ASB15: variants seen among roughly 807,000 people sequenced by gnomAD.
The protein encoded by ASB15 is ankyrin repeat and SOCS box protein 15.
A neutral mutation model predicts 58.0 loss-of-function variants in ASB15; 54 were observed. That is an observed-to-expected ratio of 0.93 (90% confidence interval 0.75 to 1.17). The LOEUF (loss-of-function observed/expected upper bound fraction) is 1.17, where lower values mean the gene tolerates loss of function less well. ASB15 is among the 50% of genes most tolerant of loss of function. The pLI is 0.00. For synonymous variants in ASB15, 249 were observed against 262.4 expected, an observed-to-expected ratio of 0.95 and a Z score of 0.50; for missense variants, 680 against 707.4, an observed-to-expected ratio of 0.96 and a Z score of 0.44.
intron 1 of ASB15, among the ~76,000 whole-genome samples, chr7:123,588,355 T>A (rs1489811736): frequency 6.6e-6 from 1 of 151,760 alleles, no homozygotes; most frequent in Non-Finnish European, 1.5e-5. Flanking sequence ...TTTGTATTTC[T>A]GTATTTTTAT....
chr7:123,607,199 G>A (rs939727425), intron 2 of ASB15, among the ~76,000 whole-genome samples: 3 of 152,140 alleles, frequency 2.0e-5, no homozygotes, highest in South Asian at 2.1e-4. Flanking sequence ...CTTCAATAAA[G>A]TTGGGGGAAA....
chr7:123,635,814 A>AT (rs769400425), intron 11 of ASB15, among the ~76,000 whole-genome samples: 3 of 151,818 alleles, frequency 2.0e-5, no homozygotes, highest in Non-Finnish European at 4.4e-5. Context: ...AAAATTGTCT[A>AT]TTTTTTAGAT....
intron 1 of ASB15, among the ~76,000 whole-genome samples, chr7:123,585,715 T>G (rs149692270): frequency 1.2e-3 from 177 of 151,798 alleles, no homozygotes; most frequent in African/African-American, 4.1e-3. Flanking sequence ...TACTATAAAT[T>G]ATCATTAACT....
intron 1 of ASB15, among the ~76,000 whole-genome samples, chr7:123,570,878 GA>G (rs1242027427): frequency 6.6e-6 from 1 of 152,058 alleles, no homozygotes; most frequent in African/African-American, 2.4e-5. Context: ...CACTAAAACT[GA>G]AAAGAACTCT....
intron 1 of ASB15, among the ~76,000 whole-genome samples, chr7:123,579,848 A>G (rs1275297574): frequency 6.6e-6 from 1 of 152,140 alleles, no homozygotes; most frequent in Non-Finnish European, 1.5e-5. Context: ...GAGAACATAA[A>G]GCATATAATA....
chr7:123,623,944 AAAGAAAGAAAGAAAGAAAG>A (rs1801560140), intron 7 of ASB15, among the ~76,000 whole-genome samples: 1 of 66,526 alleles, frequency 1.5e-5, no homozygotes, highest in Non-Finnish European at 3.1e-5. Flanking sequence ...AGAAAGAAAG[AAAGAAAGAAAGAAAGAAAG>A]AAAGAAAGAA....
intron 8 of ASB15, among the ~76,000 whole-genome samples, chr7:123,625,859 A>G (rs1239377461): frequency 6.6e-6 from 1 of 152,190 alleles, no homozygotes; most frequent in African/African-American, 2.4e-5. Context: ...AAAGACTAAC[A>G]TTTTTGAGGT....
At position 123,639,014 on chromosome 7, in the gene ASB15, A is replaced by C. The variant is rs1306541179; in HGVS notation, c.*2033A>C. 6.6e-6 allele frequency: 1 copy of C among 152,182 alleles called. No individual in the cohort carries two copies. The highest frequency in any genetic ancestry group is 1.5e-5 in the Non-Finnish European group (1 of 68,002). 9.4% of individuals were successfully genotyped at this position (152,182 alleles called of 1,614,324 possible). A position where few individuals can be genotyped will look rare whatever the true frequency, so the allele number is the denominator to read the frequency against. ...ATAAGTGACAAAAATAATCAGTGAC[A>C]TCATGGTGAAATAATAGTTTTAAAT... On this transcript the variant is annotated 3_prime_UTR_variant, in exon 12 of 12. Coordinates refer to ENST00000451215, the MANE Select transcript of ASB15 (RefSeq NM_001290258.2).
chr7:123,620,436 T>G (rs994039236), intron 7 of ASB15: 2 of 141,978 alleles, frequency 1.4e-5, no homozygotes, highest in South Asian at 2.3e-4. Flanking sequence ...CTGAGCAGGC[T>G]CTACAGATAT....
Position 123,637,962 on chromosome 7 carries a change from G to A in ASB15, c.*981G>A, listed in dbSNP as rs1802510085. 1 of 148,148 alleles carries A rather than the reference G, an allele frequency of 6.8e-6. No individual in the cohort carries two copies. The highest frequency in any genetic ancestry group is 2.5e-5 in the African/African-American group (1 of 40,214). 9.2% of individuals were successfully genotyped at this position (148,148 alleles called of 1,614,324 possible). Reference sequence around the variant, plus strand: ...ATTCAGTTTCCAAAGAAAAAAGCCTGGACATTAGGTTTGACCATCCCATTT... The same window carrying A: ...ATTCAGTTTCCAAAGAAAAAAGCCTAGACATTAGGTTTGACCATCCCATTT... On this transcript the variant is annotated 3_prime_UTR_variant, in exon 12 of 12. Coordinates refer to ENST00000451215, the MANE Select transcript of ASB15 (RefSeq NM_001290258.2).
Position 123,585,155 on chromosome 7 carries a change from AATATAATTATCT to A in ASB15, c.-443+18068_-443+18079del, listed in dbSNP as rs556500745. ...CCATGACTTTGTTATTCAGTTGTAA[AATATAATTATCT>A]GAACAAAGAATTCAAATAATCTTGC... On this transcript the variant is annotated intron_variant, in intron 1 of 13. Transcript: ENST00000451558. 5.2e-4 allele frequency among the ~76,000 whole-genome samples: 79 copies of A among 151,988 alleles called. No individual in the cohort carries two copies. The South Asian group carries it at 0.016, about 30-fold the overall frequency.
rs78134735 is a variant in ASB15, at chr7:123,603,792, A to G, written c.-244-240A>G. On this transcript the variant is annotated intron_variant, in intron 1 of 11. Transcript: ENST00000451215. Reference sequence around the variant, plus strand: ...TAGGGTCCTGCATACAATTGCACAGAAAACAACGTGGGGAAAACATACGAC... The same window carrying G: ...TAGGGTCCTGCATACAATTGCACAGGAAACAACGTGGGGAAAACATACGAC... Among the ~76,000 whole-genome samples the G allele has an allele frequency of 4.3e-3, 654 of 152,366 alleles. 3 individuals carry two copies. The highest frequency in any genetic ancestry group is 0.015 in the African/African-American group (612 of 41,586).
intron 1 of ASB15, among the ~76,000 whole-genome samples, chr7:123,603,518 G>A (rs1799988964): frequency 6.6e-6 from 1 of 152,124 alleles, no homozygotes; most frequent in South Asian, 2.1e-4. Flanking sequence ...GTTTGTAGCT[G>A]GATAAACACC....
intron 7 of ASB15, among the ~76,000 whole-genome samples, chr7:123,620,528 A>T (rs1332702742): frequency 6.1e-5 from 1 of 16,520 alleles, no homozygotes. Context: ...ATATATATAT[A>T]TATATATATA....
At position 123,637,811 on chromosome 7, in the gene ASB15, T is replaced by C. The variant is rs1272191480; in HGVS notation, c.*830T>C. 6.9e-6 allele frequency: 1 copy of C among 145,586 alleles called. No homozygotes were observed. The allele number at this position is 145,586 out of a possible 1,614,324, so 9.0% of individuals were successfully genotyped here. On this transcript the variant is annotated 3_prime_UTR_variant, in exon 12 of 12. Coordinates refer to ENST00000451215, the MANE Select transcript of ASB15 (RefSeq NM_001290258.2). ...TTCTCTCATGTTCTCCTGACCTATGTAGACAATTGGCCTCATGAACATTTG... is the reference window on the plus strand; with the variant it reads ...TTCTCTCATGTTCTCCTGACCTATGCAGACAATTGGCCTCATGAACATTTG...
intron 11 of ASB15, 139 bp from the exon 12 acceptor site, chr7:123,636,670 C>CACTTAAAATCACCAGTTGCTA: frequency 1.5e-6 from 1 of 683,300 alleles, no homozygotes; most frequent in Non-Finnish European, 2.4e-6. Flanking sequence ...ATTTGAATTT[C>CACTTAAAATCACCAGTTGCTA]ACTTAAAATC....
At chr7:123,575,616 A>C (rs1584723388) in intron 1 of ASB15, among the ~76,000 whole-genome samples, 1 of 151,976 alleles carries the variant, frequency 6.6e-6, no homozygotes, top group South Asian at 2.1e-4. Context: ...TGTCATAGTT[A>C]CCCAAGCCAT....
At chr7:123,580,512 A>C (rs1353897717) in intron 1 of ASB15, among the ~76,000 whole-genome samples, 1 of 152,044 alleles carries the variant, frequency 6.6e-6, no homozygotes, top group East Asian at 1.9e-4. Flanking sequence ...TTCTTCCTTG[A>C]AAAATGGTCA....
chr7:123,574,660 T>G (rs1386172469), intron 1 of ASB15, among the ~76,000 whole-genome samples: 2 of 152,114 alleles, frequency 1.3e-5, no homozygotes, highest in Non-Finnish European at 2.9e-5. Flanking sequence ...TGAACCTCAT[T>G]CTACTTGCCA....
Sources: allele counts gnomAD v4.1 joint callset (sites outside exome capture counted in the v4.1 genomes callset), GRCh38; gene constraint gnomAD v4.1.1; transcripts MANE v1.5; gene names NCBI Gene and HGNC (gene_info 2026-07-23, HGNC 2026-07-21).